The following NAA25 variants were observed in gnomAD, a reference collection of about 807,000 sequenced individuals.
NAA25 encodes N-alpha-acetyltransferase 25, NatB auxiliary subunit.
In NAA25, 30 loss-of-function variants were observed where a neutral mutation model predicts 132.5. The ratio of observed to expected loss-of-function variants is 0.23; its 90% CI spans 0.17 to 0.31. NAA25 has a LOEUF of 0.31. Among genes scored for constraint, NAA25 ranks in the 10% least tolerant of loss-of-function variants. The pLI, the probability that NAA25 is intolerant of heterozygous loss-of-function variation, is 1.00. For synonymous variants in NAA25, 359 were observed against 401.9 expected (o/e 0.89, Z 1.28); for missense variants, 771 against 1,150.4 (o/e 0.67, Z 4.77).
chr12:112,049,707 T>G lies in NAA25; in HGVS notation c.1729-1264A>C. The stretch of plus-strand genomic sequence containing the variant: ...AGGACTACCTGAAAAAGCTCGAGTA[T>G]ACCTTCTAGCTTGATTAAAGGACAG... On this transcript the variant is annotated intron_variant, in intron 15 of 23. Coordinates refer to ENST00000261745, the MANE Select transcript of NAA25 (RefSeq NM_024953.4). The surrounding 1 kb of genome is among the most constrained non-coding windows in gnomAD (Gnocchi z 4.7). 2.2e-6 allele frequency: 2 copies of G among 888,906 alleles called. No individual in the cohort carries two copies. Among genetic ancestry groups the G allele is most frequent in the Non-Finnish European group, 2.7e-6 (2 of 741,940 alleles). 55.1% of individuals were successfully genotyped at this position (888,906 alleles called of 1,614,324 possible).
intron 17 of NAA25, among the ~76,000 whole-genome samples, chr12:112,046,451 G>A (rs2078382984): frequency 6.6e-6 from 1 of 152,180 alleles, no homozygotes; most frequent in South Asian, 2.1e-4. Flanking sequence ...TCAGCCCTGT[G>A]AATCCTTCTG....
At chr12:112,097,163 A>AGG in intron 1 of NAA25, 1 of 152,150 alleles carries the variant, frequency 6.6e-6, no homozygotes, top group East Asian at 1.9e-4. Flanking sequence ...CTCTCTAACT[A>AGG]TAAAACTGAA....
At chr12:112,077,533 T>TC (rs1289459091) in intron 7 of NAA25, among the ~76,000 whole-genome samples, 1 of 151,484 alleles carries the variant, frequency 6.6e-6, no homozygotes, top group Non-Finnish European at 1.5e-5. Flanking sequence ...CCCGTCGTCC[T>TC]AGCTACTTGG....
At chr12:112,047,895 A>G in intron 16 of NAA25, 105 bp from the exon 17 acceptor site, 1 of 1,181,566 alleles carries the variant, frequency 8.5e-7, no homozygotes, top group Admixed American at 2.4e-5. Context: ...AAGAGGAAGG[A>G]AGGGCTCATA....
rs1280293661 is a variant in NAA25, at chr12:112,040,574, G to A, written c.2445C>T (p.Val815=). Reference sequence around the variant, plus strand: ...AGAGGTCACCTTTACATTTACTGAAGACATCTGAAAACAAAAAACATTTTA... The same window carrying A: ...AGAGGTCACCTTTACATTTACTGAAAACATCTGAAAACAAAAAACATTTTA... ...FKSLLDQLKD[V]FSKCKGDLLE... The change falls in exon 21 of 24, where the codon GTC becomes GTT. Residue 815 remains valine, a synonymous_variant. Coordinates refer to ENST00000261745, the MANE Select transcript of NAA25 (RefSeq NM_024953.4). 3 of 1,574,176 alleles carry A rather than the reference G, an allele frequency of 1.9e-6. No individual in the cohort carries two copies. Among genetic ancestry groups the A allele is most frequent in the Non-Finnish European group, 2.6e-6 (3 of 1,151,872 alleles).
chr12:112,064,682 TCTG>T (rs1418285716), intron 11 of NAA25, among the ~76,000 whole-genome samples: 1 of 152,242 alleles, frequency 6.6e-6, no homozygotes, highest in African/African-American at 2.4e-5. Flanking sequence ...TACAAAATAA[TCTG>T]CTCATTATTT....
At chr12:112,051,593 A>G (rs552983044) in intron 15 of NAA25, among the ~76,000 whole-genome samples, 1 of 152,272 alleles carries the variant, frequency 6.6e-6, no homozygotes, top group Admixed American at 6.5e-5. Context: ...TCTTAGCGGT[A>G]ATCAAAATAT....
At position 112,027,250 on chromosome 12, in the gene NAA25, C is replaced by T. The variant is rs533730094; in HGVS notation, c.*2281G>A. The T allele has an allele frequency of 6.6e-6, 1 of 152,486 alleles. No homozygotes were observed. The allele number at this position is 152,486 out of a possible 1,614,324, so 9.4% of individuals were successfully genotyped here. A position where few individuals can be genotyped will look rare whatever the true frequency, so the allele number is the denominator to read the frequency against. ...AGCAGCAATGGGTTATTTGGGAATT[C>T]TCTTCAAATACCAATGGCATACGAT... On this transcript the variant is annotated 3_prime_UTR_variant, in exon 24 of 24. Coordinates refer to ENST00000261745, the MANE Select transcript of NAA25 (RefSeq NM_024953.4).
Position 112,049,689 on chromosome 12 carries a change from C to T in NAA25, c.1729-1246G>A, listed in dbSNP as rs2078434079. 2.1e-6 allele frequency: 2 copies of T among 966,330 alleles called. No individual in the cohort carries two copies. The highest frequency in any genetic ancestry group is 1.8e-5 in the African/African-American group (1 of 56,804). The allele number at this position is 966,330 out of a possible 1,614,324, so 59.9% of individuals were successfully genotyped here. A position where few individuals can be genotyped will look rare whatever the true frequency, so the allele number is the denominator to read the frequency against. ...ATCCTGCAGGTTTCAAGAAGGACTA[C>T]CTGAAAAAGCTCGAGTATACCTTCT... On this transcript the variant is annotated intron_variant, in intron 15 of 23. Coordinates refer to ENST00000261745, the MANE Select transcript of NAA25 (RefSeq NM_024953.4). The surrounding 1 kb of genome is among the most constrained non-coding windows in gnomAD (Gnocchi z 4.7).
intron 13 of NAA25, among the ~76,000 whole-genome samples, chr12:112,055,857 C>T (rs1306047181): frequency 6.6e-6 from 1 of 152,104 alleles, no homozygotes; most frequent in Non-Finnish European, 1.5e-5. Context: ...AATGAAAGCA[C>T]CATGCAGTAA....
chr12:112,052,706 C>T (rs993106451), intron 15 of NAA25, among the ~76,000 whole-genome samples: 3 of 152,182 alleles, frequency 2.0e-5, no homozygotes, highest in African/African-American at 4.8e-5. Context: ...AAAATCCTCA[C>T]GAGTGTTTGC....
chr12:112,041,235 TGAAGTGTAGTG>T (rs1376307814), intron 20 of NAA25, among the ~76,000 whole-genome samples: 1 of 151,706 alleles, frequency 6.6e-6, no homozygotes, highest in East Asian at 1.9e-4. Context: ...TCGCCCAGGC[TGAAGTGTAGTG>T]GCGCTATCTC....
At chr12:112,057,809 G>A (rs1398618968) in intron 13 of NAA25, among the ~76,000 whole-genome samples, 1 of 152,208 alleles carries the variant, frequency 6.6e-6, no homozygotes, top group Non-Finnish European at 1.5e-5. Context: ...GTGAAACCCT[G>A]TCTCTCCTAA....
At chr12:112,078,161 A>AT in intron 7 of NAA25, 27 bp downstream of exon 7, 6 of 1,441,652 alleles carry the variant, frequency 4.2e-6, no homozygotes, top group Non-Finnish European at 5.7e-6. Context: ...AAAAAAAAAA[A>AT]GCTTTAAGAA....
At chr12:112,105,645 G>A (rs2079352489) in intron 1 of NAA25, among the ~76,000 whole-genome samples, 1 of 152,182 alleles carries the variant, frequency 6.6e-6, no homozygotes, top group Non-Finnish European at 1.5e-5. Flanking sequence ...CAAGAGCTGA[G>A]GCCCCAAGCA....
intron 8 of NAA25, among the ~76,000 whole-genome samples, chr12:112,075,182 C>A (rs915633995): frequency 6.6e-6 from 1 of 151,420 alleles, no homozygotes; most frequent in Non-Finnish European, 1.5e-5. Flanking sequence ...ACCATGGTGG[C>A]ACAAGTATCT....
intron 3 of NAA25, among the ~76,000 whole-genome samples, chr12:112,088,543 T>A (rs988264255): frequency 1.3e-5 from 2 of 151,838 alleles, no homozygotes; most frequent in Non-Finnish European, 2.9e-5. Context: ...TACTATAGCA[T>A]TTATTAACAC....
chr12:112,071,600 G>A (rs2078809284), intron 10 of NAA25, among the ~76,000 whole-genome samples: 1 of 152,174 alleles, frequency 6.6e-6, no homozygotes, highest in African/African-American at 2.4e-5. Context: ...CCAAAGTGCT[G>A]GGATTACAGG....
intron 10 of NAA25, among the ~76,000 whole-genome samples, chr12:112,070,289 T>G (rs1371487865): frequency 6.6e-6 from 1 of 152,230 alleles, no homozygotes; most frequent in Non-Finnish European, 1.5e-5. Context: ...AAAGAATCAT[T>G]TTATAAAAAG....
Sources: gnomAD v4.1 joint callset for allele counts (sites outside exome capture counted in the v4.1 genomes callset) on GRCh38, gnomAD v4.1.1 for gene constraint, Gnocchi (gnomAD v3.1) non-coding constraint, MANE v1.5 for transcripts, NCBI Gene and HGNC (gene_info 2026-07-23, HGNC 2026-07-21) for gene names.